The following TMEM144 variants were observed in gnomAD, a reference collection of about 807,000 sequenced individuals.
TMEM144 encodes transmembrane protein 144.
A neutral mutation model predicts 43.6 loss-of-function variants in TMEM144; 39 were observed. That is an observed-to-expected ratio of 0.90 (90% CI 0.69 to 1.17). TMEM144 has a LOEUF of 1.17. Ranked by LOEUF, TMEM144 falls within the 50% of genes most tolerant of loss-of-function variation. TMEM144 has a pLI of 0.00. For synonymous variants in TMEM144, 154 were observed against 133.6 expected (o/e 1.15, Z -1.06); for missense variants, 417 against 411.9 (o/e 1.01, Z -0.11).
In TMEM144 at chr4:158,250,802, C is replaced by T. The variant is rs141531863; in HGVS notation, c.955-2642C>T. The stretch of plus-strand genomic sequence containing the variant: ...GGATTAGCCTCTAACAGCCCAGGGT[C>T]CTGCTTTTATGAACCCACTCCCCCC... On this transcript the variant is annotated intron_variant, in intron 12 of 12. Coordinates refer to ENST00000296529, the MANE Select transcript of TMEM144 (RefSeq NM_018342.5). Among the ~76,000 whole-genome samples, 6 of 152,290 alleles carry T rather than the reference C, an allele frequency of 3.9e-5. No individual in the cohort carries two copies. The East Asian group carries it at 9.6e-4, about 24-fold the overall frequency.
At position 158,219,334 on chromosome 4, in the gene TMEM144, A is replaced by G. The variant is rs577915510; in HGVS notation, c.357A>G (p.Ala119=). 3 of 1,613,820 alleles carry G rather than the reference A, an allele frequency of 1.9e-6. No individual in the cohort carries two copies. The East Asian group carries it at 6.7e-5, about 36-fold the overall frequency. Reference sequence around the variant, plus strand: ...GGTTTGGCTGGTTTGGATTGGATGCAGAAGAAGTATCAAATCCGCTGCTAA... The same window carrying G: ...GGTTTGGCTGGTTTGGATTGGATGCGGAAGAAGTATCAAATCCGCTGCTAA... ...SSRFGWFGLD[A]EEVSNPLLNY... The change falls in exon 6 of 13, where the codon GCA becomes GCG. Residue 119 remains alanine (A), a synonymous_variant. Transcript: ENST00000296529.
chr4:158,253,624 C>T lies in TMEM144; in HGVS notation c.*97C>T. 4.2e-6 allele frequency: 4 copies of T among 946,850 alleles called. No homozygotes were observed. In the South Asian group the frequency reaches 4.7e-5, roughly 11 times the overall value. The allele number at this position is 946,850 out of a possible 1,614,324, so 58.7% of individuals were successfully genotyped here. On this transcript the variant is annotated 3_prime_UTR_variant, in exon 13 of 13. Coordinates refer to ENST00000296529, the MANE Select transcript of TMEM144 (RefSeq NM_018342.5). ...GAGAAAAGAGTGCATTTTCATATAG[C>T]AAATGGATCTCAGCCACTGTTGGAG...
intron 12 of TMEM144, among the ~76,000 whole-genome samples, chr4:158,250,551 A>G (rs1435333420): frequency 6.6e-6 from 1 of 152,200 alleles, no homozygotes; most frequent in East Asian, 1.9e-4. Flanking sequence ...GAGCCCAGTT[A>G]GAACTTCCCT....
chr4:158,227,126 C>CT (rs34561388), intron 6 of TMEM144, among the ~76,000 whole-genome samples: 42,790 of 141,096 alleles, frequency 0.3, 6,968 homozygotes, highest in African/African-American at 0.45. Context: ...GTATAGATGG[C>CT]TTTTTTTTTT....
At position 158,240,369 on chromosome 4, in the gene TMEM144, C is replaced by T. The variant is rs75947889; in HGVS notation, c.753C>T (p.Cys251=). ...GTACTGTCTACTTTCTGGCCTACTG[C>T]ATAGCCATGAAAAATAGTCCTAAAC... ...LTSTVYFLAY[C]IAMKNSPKLY... is the part of the protein sequence containing the mutation. Residue 251 remains cysteine, a synonymous_variant, in exon 10 of 13, where the codon TGC becomes TGT. Transcript: ENST00000296529. 2 of 1,613,720 alleles carry T rather than the reference C, an allele frequency of 1.2e-6. No homozygotes were observed. Among genetic ancestry groups the T allele is most frequent in the Non-Finnish European group, 1.7e-6 (2 of 1,179,878 alleles).
intron 12 of TMEM144, among the ~76,000 whole-genome samples, chr4:158,249,482 C>A (rs924395534): frequency 1.3e-5 from 2 of 152,120 alleles, no homozygotes; most frequent in Non-Finnish European, 2.9e-5. Context: ...GAGTTAACAT[C>A]CACCTTTGAT....
At chr4:158,238,560 G>C (rs556722219) in intron 9 of TMEM144, among the ~76,000 whole-genome samples, 1 of 152,036 alleles carries the variant, frequency 6.6e-6, no homozygotes, top group African/African-American at 2.4e-5. Context: ...AATAAAAATA[G>C]AATAACATAG....
At chr4:158,247,591 G>C (rs1482584728) in intron 12 of TMEM144, among the ~76,000 whole-genome samples, 1 of 151,968 alleles carries the variant, frequency 6.6e-6, no homozygotes, top group Non-Finnish European at 1.5e-5. Context: ...GCCTTCCAAT[G>C]TATCACCAAC....
chr4:158,212,761 T>A lies in TMEM144; in HGVS notation c.94T>A (p.Phe32Ile), dbSNP rs1340807359. ...CTCAAATTTTGTGCCACTTAAAAAA[T>A]TTGATACTGGTGATGGTAATTATTT... ...FGSNFVPLKK[F>I]DTGDGMFLQW... Residue 32 changes from phenylalanine to isoleucine, a missense_variant, in exon 3 of 13, where the codon TTT becomes ATT. Physicochemically the swap from Phe to Ile is conservative, Grantham distance 21. Transcript: ENST00000296529. 1 of 1,612,040 alleles carries A rather than the reference T, an allele frequency of 6.2e-7. No individual in the cohort carries two copies. The highest frequency in any genetic ancestry group is 1.3e-5 in the African/African-American group (1 of 74,866).
intron 6 of TMEM144, among the ~76,000 whole-genome samples, chr4:158,232,110 T>A (rs1186527685): frequency 6.6e-6 from 1 of 152,232 alleles, no homozygotes; most frequent in Non-Finnish European, 1.5e-5. Flanking sequence ...TTTTCTCAAG[T>A]TAATTTAATC....
intron 12 of TMEM144, among the ~76,000 whole-genome samples, chr4:158,246,398 A>C (rs1735893698): frequency 6.6e-6 from 1 of 152,224 alleles, no homozygotes; most frequent in African/African-American, 2.4e-5. Flanking sequence ...CTTTAAAATG[A>C]TTATTCAATT....
chr4:158,235,469 G>A lies in TMEM144; in HGVS notation c.527G>A (p.Trp176Ter). The change falls in exon 8 of 13, where the codon TGG (tryptophan) becomes TAG (stop). Residue 176 changes from tryptophan (W) to a stop codon, truncating the protein, a stop_gained. Transcript: ENST00000296529. LOFTEE classifies it high-confidence loss of function. ...AACACAACCCAAGACCCCTGTTCCT[G>A]GGTGGATAAACTTTCTACAGTACAC... ...VINTTQDPCS[W>*]VDKLSTVHHR... 1 of 1,613,920 alleles carries A rather than the reference G, an allele frequency of 6.2e-7. No individual in the cohort carries two copies. Among genetic ancestry groups the A allele is most frequent in the South Asian group, 1.1e-5 (1 of 91,056 alleles).
intron 12 of TMEM144, among the ~76,000 whole-genome samples, chr4:158,253,215 A>T (rs78725106): frequency 3.6e-3 from 541 of 152,350 alleles, no homozygotes; most frequent in African/African-American, 0.013. Context: ...GATTGTTTGC[A>T]TAAAGGTACA....
Position 158,255,335 on chromosome 4 carries a change from A to C in TMEM144, c.*1808A>C, listed in dbSNP as rs960496874. The C allele has an allele frequency of 6.6e-6, 1 of 151,544 alleles. No individual in the cohort carries two copies. The highest frequency in any genetic ancestry group is 2.4e-5 in the African/African-American group (1 of 41,346). The allele number at this position is 151,544 out of a possible 1,614,324, so 9.4% of individuals were successfully genotyped here. On this transcript the variant is annotated 3_prime_UTR_variant, in exon 13 of 13. Coordinates refer to ENST00000296529, the MANE Select transcript of TMEM144 (RefSeq NM_018342.5). ...TAGAATTTTATATTGGATAACTTTT[A>C]ATTATTCTTTAGTTGGGATTTCCAA...
chr4:158,222,121 C>CT (rs926719916), intron 6 of TMEM144, among the ~76,000 whole-genome samples: 32 of 129,828 alleles, frequency 2.5e-4, no homozygotes, highest in African/African-American at 1.2e-3. Context: ...TCTGCTTTCC[C>CT]TCGTCCCATC....
At chr4:158,212,580 A>C in intron 2 of TMEM144, 28 bp from the exon 3 acceptor site, 1 of 967,450 alleles carries the variant, frequency 1.0e-6, no homozygotes, top group South Asian at 1.7e-5. Flanking sequence ...TTCACGTCTC[A>C]ATTGTTTCAT....
chr4:158,242,673 A>G (rs529200116), intron 11 of TMEM144, among the ~76,000 whole-genome samples: 12 of 152,292 alleles, frequency 7.9e-5, no homozygotes, highest in African/African-American at 1.2e-4. Context: ...AAGCTAAAAA[A>G]AAAGAAAGAA....
At chr4:158,225,824 A>G (rs1734734996) in intron 6 of TMEM144, among the ~76,000 whole-genome samples, 1 of 152,242 alleles carries the variant, frequency 6.6e-6, no homozygotes, top group African/African-American at 2.4e-5. Flanking sequence ...GTCGTGAGAG[A>G]CACGAAGTGA....
intron 6 of TMEM144, among the ~76,000 whole-genome samples, chr4:158,231,757 C>T (rs908970048): frequency 8.6e-5 from 13 of 151,594 alleles, no homozygotes; most frequent in African/African-American, 2.4e-4. Context: ...AGTGGTCAGG[C>T]ATAGAAGCCA....
Sources: gnomAD v4.1 joint callset for allele counts (sites outside exome capture counted in the v4.1 genomes callset) on GRCh38, gnomAD v4.1.1 for gene constraint, MANE v1.5 for transcripts, NCBI Gene and HGNC (gene_info 2026-07-23, HGNC 2026-07-21) for gene names.